F13A1: variants seen among roughly 807,000 people sequenced by gnomAD.
F13A1 encodes FSF, A subunit.
In F13A1, 47 loss-of-function variants were observed where a neutral mutation model predicts 80.1. That is an observed-to-expected ratio of 0.59 (90% CI 0.46 to 0.75). The LOEUF is 0.75. F13A1 is among the 30% of genes least tolerant of loss of function. The pLI is 0.00. For missense variants in F13A1, 817 were observed against 930.4 expected (o/e 0.88, Z 1.59); for synonymous variants, 349 against 344.9 (o/e 1.01, Z -0.13).
chr6:6,160,589 G>C lies in F13A1; in HGVS notation c.1908+6869C>G, dbSNP rs139200503. 5.4e-3 allele frequency among the ~76,000 whole-genome samples: 826 copies of C among 152,146 alleles called. 4 individuals are homozygous for C. Among genetic ancestry groups the C allele is most frequent in the Non-Finnish European group, 8.2e-3 (556 of 68,002 alleles). On this transcript the variant is annotated intron_variant, in intron 13 of 14. Coordinates refer to ENST00000264870, the MANE Select transcript of F13A1 (RefSeq NM_000129.4). ...TGACCTCAAGTGATCCAGCCACCTT[G>C]GCCTTCCAAAGTGCTGGGATTACAG...
At position 6,208,855 on chromosome 6, in the gene F13A1, C is replaced by G. The variant is rs180829013; in HGVS notation, c.1113-11529G>C. On this transcript the variant is annotated intron_variant, in intron 8 of 14. Coordinates refer to ENST00000264870, the MANE Select transcript of F13A1 (RefSeq NM_000129.4). The stretch of plus-strand genomic sequence containing the variant: ...AGTTAACTCAAAATGAATCCCAGAC[C>G]TAGATGTAAGATCTATGATTGTAAA... 7.9e-5 allele frequency among the ~76,000 whole-genome samples: 12 copies of G among 152,156 alleles called. No individual in the cohort carries two copies. In the East Asian group the frequency reaches 2.3e-3, roughly 29 times the overall value.
intron 3 of F13A1, among the ~76,000 whole-genome samples, chr6:6,289,671 A>AG (rs1249131832): frequency 1.3e-5 from 2 of 151,852 alleles, no homozygotes; most frequent in African/African-American, 4.9e-5. Flanking sequence ...TCTAAAAAGT[A>AG]GAAAAAAATC....
chr6:6,195,935 TC>T, intron 9 of F13A1, 50 bp from the exon 10 acceptor site: 2 of 1,523,390 alleles, frequency 1.3e-6, no homozygotes, highest in Non-Finnish European at 1.8e-6. Flanking sequence ...TCCAATTCTG[TC>T]CAGATACTGC....
intron 8 of F13A1, among the ~76,000 whole-genome samples, chr6:6,210,279 GTACTT>G (rs199920366): frequency 0.14 from 18,063 of 133,038 alleles, 1,679 homozygotes; most frequent in Non-Finnish European, 0.19. Context: ...ATTGAATTGT[GTACTT>G]TACTTTAAAG....
At chr6:6,185,220 G>A (rs889937848) in intron 10 of F13A1, among the ~76,000 whole-genome samples, 29 of 150,756 alleles carry the variant, frequency 1.9e-4, no homozygotes, top group African/African-American at 6.3e-4. Flanking sequence ...ATGCTGGTGC[G>A]CTGCACCCAC....
rs1757267369 is a variant in F13A1, at chr6:6,225,688, A to C, written c.799-828T>G. ...CTAATTAAATTTATTTTTTTTGTAG[A>C]GCCAGGGTCTCCCTATGTTGCCCAG... On this transcript the variant is annotated intron_variant, in intron 6 of 14. Transcript: ENST00000264870. Among the ~76,000 whole-genome samples the C allele has an allele frequency of 2.6e-5, 4 of 151,936 alleles. No individual in the cohort carries two copies. In the South Asian group the frequency reaches 8.3e-4, roughly 32 times the overall value.
At chr6:6,230,537 A>G (rs569717007) in intron 6 of F13A1, among the ~76,000 whole-genome samples, 4 of 152,170 alleles carry the variant, frequency 2.6e-5, no homozygotes, top group African/African-American at 9.6e-5. Flanking sequence ...AGGGCATATA[A>G]TCTTGGGAGT....
At chr6:6,145,881 T>C in intron 14 of F13A1, 109 bp from the exon 15 acceptor site, 1 of 1,445,404 alleles carries the variant, frequency 6.9e-7, no homozygotes, top group South Asian at 1.2e-5. Flanking sequence ...TCTCAGTTGG[T>C]GCTTAGGACA....
intron 7 of F13A1, among the ~76,000 whole-genome samples, chr6:6,223,838 C>A (rs752916531): frequency 1.2e-4 from 18 of 152,048 alleles, no homozygotes; most frequent in Non-Finnish European, 1.8e-4. Context: ...GGTAAAAATT[C>A]TTTATTAATG....
intron 11 of F13A1, among the ~76,000 whole-genome samples, chr6:6,179,203 C>T (rs775513074): frequency 6.6e-6 from 1 of 152,170 alleles, no homozygotes; most frequent in African/African-American, 2.4e-5. Flanking sequence ...GGAATGGAAT[C>T]AAGACACTGT....
intron 6 of F13A1, among the ~76,000 whole-genome samples, chr6:6,241,593 T>C (rs906079214): frequency 6.6e-6 from 1 of 152,198 alleles, no homozygotes; most frequent in Non-Finnish European, 1.5e-5. Flanking sequence ...CAATGCCCAT[T>C]GAGCACCTGG....
At chr6:6,174,459 A>T in intron 12 of F13A1, 121 bp downstream of exon 12, 1 of 1,104,342 alleles carries the variant, frequency 9.1e-7, no homozygotes, top group Non-Finnish European at 1.4e-6. Flanking sequence ...TGTGAGGCTC[A>T]CACTTCTGAG....
intron 8 of F13A1, among the ~76,000 whole-genome samples, chr6:6,210,349 T>TATATATATATATATATATATATATATATA (rs1561655552): frequency 2.7e-5 from 1 of 36,876 alleles, no homozygotes; most frequent in Non-Finnish European, 5.5e-5. Flanking sequence ...ATATATATAT[T>TATATATATATATATATATATATATATATA]TCTTTTTTTT....
intron 3 of F13A1, among the ~76,000 whole-genome samples, chr6:6,270,955 G>T (rs1042960193): frequency 1.3e-5 from 2 of 152,168 alleles, no homozygotes; most frequent in African/African-American, 4.8e-5. Context: ...ATTTTTTTGT[G>T]ATTTGCATTG....
chr6:6,226,266 T>G (rs76163525), intron 6 of F13A1, among the ~76,000 whole-genome samples: 1 of 152,186 alleles, frequency 6.6e-6, no homozygotes, highest in Admixed American at 6.5e-5. Context: ...TGTGGAGCCT[T>G]GCTACTTGAG....
At chr6:6,260,247 G>A (rs887940889) in intron 4 of F13A1, among the ~76,000 whole-genome samples, 3 of 152,168 alleles carry the variant, frequency 2.0e-5, no homozygotes, top group African/African-American at 7.2e-5. Flanking sequence ...GATTAAGGAG[G>A]ATAAATTGCC....
Position 6,167,525 on chromosome 6 carries a change from T to A in F13A1, c.1841A>T (p.Asn614Ile). 6.2e-7 allele frequency: 1 copy of A among 1,614,100 alleles called. No homozygotes were observed. Among genetic ancestry groups the A allele is most frequent in the Non-Finnish European group, 8.5e-7 (1 of 1,180,018 alleles). ...CTTGGCCAGAACATCCCTGGTCTCA[T>A]TGATGCGAGCTGTGACAAAGAAGTG... Reference protein sequence around the residue: ...SLHFFVTARINETRDVLAKQK... With the variant: ...SLHFFVTARIIETRDVLAKQK... The change falls in exon 13 of 15, where the codon AAT becomes ATT. Residue 614 changes from asparagine (N) to isoleucine (I), a missense_variant. Transcript: ENST00000264870.
intron 8 of F13A1, among the ~76,000 whole-genome samples, chr6:6,198,718 A>G (rs1304687523): frequency 6.6e-6 from 1 of 152,244 alleles, no homozygotes; most frequent in Admixed American, 6.5e-5. Context: ...AAACTGTCAT[A>G]GGTTTGCTGT....
intron 13 of F13A1, among the ~76,000 whole-genome samples, 185 bp downstream of exon 13, chr6:6,167,273 A>G (rs1729975629): frequency 1.3e-5 from 2 of 151,664 alleles, no homozygotes; most frequent in South Asian, 4.2e-4. Flanking sequence ...GTATGTGTCT[A>G]TATATAGGGC....
Sources: gnomAD v4.1 joint callset for allele counts (sites outside exome capture counted in the v4.1 genomes callset) on GRCh38, gnomAD v4.1.1 for gene constraint, MANE v1.5 for transcripts, NCBI Gene and HGNC (gene_info 2026-07-23, HGNC 2026-07-21) for gene names.